The following EVI5 variants were observed in gnomAD, a reference collection of about 807,000 sequenced individuals.
The protein encoded by EVI5 is ecotropic viral integration site 5 protein homolog.
Under a neutral mutation model 112.0 loss-of-function variants are expected in EVI5, and 73 were observed. The ratio of observed to expected loss-of-function variants is 0.65; its 90% CI spans 0.54 to 0.79. EVI5 has a LOEUF of 0.79. Among genes scored for constraint, EVI5 ranks in the 30% least tolerant of loss-of-function variants. The probability of loss-of-function intolerance (pLI) is 0.00; values close to 1 mark genes in which losing one functional copy is unlikely to be tolerated. For missense variants in EVI5, 900 were observed against 968.8 expected (o/e 0.93, Z 0.94); for synonymous variants, 305 against 319.9 (o/e 0.95, Z 0.50).
At position 92,599,510 on chromosome 1, in the gene EVI5, T is replaced by C. The variant is rs1648664653; in HGVS notation, c.2070+5797A>G. 2.0e-5 allele frequency among the ~76,000 whole-genome samples: 3 copies of C among 152,038 alleles called. No individual in the cohort carries two copies. The South Asian group carries it at 6.2e-4, about 31-fold the overall frequency. On this transcript the variant is annotated intron_variant, in intron 18 of 19. Coordinates refer to ENST00000684568, the MANE Select transcript of EVI5 (RefSeq NM_001350197.2). ...ATCTATTTATGAATCTTAATCTGTA[T>C]TAAAAATATACCTCTATATATCTAT...
At chr1:92,596,664 A>T (rs1647973538) in intron 18 of EVI5, among the ~76,000 whole-genome samples, 1 of 152,174 alleles carries the variant, frequency 6.6e-6, no homozygotes. Flanking sequence ...AAAAACAAAA[A>T]GCCAAGATAA....
intron 14 of EVI5, among the ~76,000 whole-genome samples, chr1:92,633,588 C>T (rs35029291): frequency 0.61 from 92,795 of 151,940 alleles, 29,139 homozygotes; most frequent in East Asian, 0.92. Context: ...GATGGGTTTC[C>T]TGAATACAGC....
chr1:92,546,406 G>A (rs1194419122), intron 19 of EVI5, among the ~76,000 whole-genome samples: 1 of 151,622 alleles, frequency 6.6e-6, no homozygotes, highest in African/African-American at 2.4e-5. Context: ...CTTACCAAAT[G>A]AAAAAAAATA....
chr1:92,754,991 A>G (rs1313343912), intron 1 of EVI5, among the ~76,000 whole-genome samples: 2 of 151,864 alleles, frequency 1.3e-5, no homozygotes, highest in African/African-American at 4.8e-5. Flanking sequence ...ATAATGTTAT[A>G]TCTTAAAGAA....
At chr1:92,680,091 C>A (rs980050652) in intron 9 of EVI5, among the ~76,000 whole-genome samples, 11 of 152,126 alleles carry the variant, frequency 7.2e-5, no homozygotes, top group Non-Finnish European at 1.6e-4. Context: ...TTTCATAACT[C>A]AATATTTTCT....
chr1:92,579,703 T>C (rs939953082), intron 18 of EVI5, among the ~76,000 whole-genome samples: 3 of 152,078 alleles, frequency 2.0e-5, no homozygotes, highest in African/African-American at 7.2e-5. Flanking sequence ...GGGAAAAAAC[T>C]AGAAAAAATA....
At chr1:92,623,176 T>G (rs1227817161) in intron 16 of EVI5, among the ~76,000 whole-genome samples, 1 of 152,228 alleles carries the variant, frequency 6.6e-6, no homozygotes, top group African/African-American at 2.4e-5. Context: ...ATAATCTCAA[T>G]AGTACCTCTT....
At position 92,665,888 on chromosome 1, in the gene EVI5, A is replaced by C. The variant is rs776152339; in HGVS notation, c.1212+51T>G. ...TTGAGGATTTTTAATAAATATACAG[A>C]AAAAACACCAGGCATTCAACAGAAG... On this transcript the variant is annotated intron_variant, in intron 11 of 19. Transcript: ENST00000684568. 7 of 1,302,886 alleles carry C rather than the reference A, an allele frequency of 5.4e-6. No individual in the cohort carries two copies. In the South Asian group the frequency reaches 9.1e-5, roughly 17 times the overall value. The allele number at this position is 1,302,886 out of a possible 1,614,324, so 80.7% of individuals were successfully genotyped here.
intron 18 of EVI5, among the ~76,000 whole-genome samples, chr1:92,581,691 C>CT (rs10658688): frequency 0.56 from 59,315 of 105,890 alleles, 12,635 homozygotes; most frequent in East Asian, 0.77. Context: ...CAAGTTTTTG[C>CT]TTAAAAAAAA....
intron 9 of EVI5, among the ~76,000 whole-genome samples, chr1:92,684,377 T>G (rs1193686272): frequency 1.3e-5 from 2 of 152,194 alleles, no homozygotes; most frequent in East Asian, 3.8e-4. Flanking sequence ...CCACCAGGCC[T>G]GCCTTACAAG....
chr1:92,740,344 A>G (rs1678173161), intron 1 of EVI5, among the ~76,000 whole-genome samples: 3 of 152,148 alleles, frequency 2.0e-5, no homozygotes, highest in Non-Finnish European at 2.9e-5. Context: ...CCACACCACA[A>G]TGCAAAACTG....
intron 1 of EVI5, among the ~76,000 whole-genome samples, chr1:92,783,808 C>CAAAAAAAAA (rs58484805): frequency 6.4e-5 from 6 of 94,228 alleles, no homozygotes; most frequent in Non-Finnish European, 8.5e-5. Flanking sequence ...GACTCCCTGT[C>CAAAAAAAAA]AAAAAAAAAA....
chr1:92,672,891 A>C (rs2102278970), intron 10 of EVI5, among the ~76,000 whole-genome samples: 1 of 152,350 alleles, frequency 6.6e-6, no homozygotes, highest in South Asian at 2.1e-4. Flanking sequence ...GCAGCAGCAC[A>C]GTGTATATAC....
At chr1:92,728,895 T>C (rs779086422) in intron 2 of EVI5, among the ~76,000 whole-genome samples, 2 of 152,160 alleles carry the variant, frequency 1.3e-5, no homozygotes, top group Non-Finnish European at 2.9e-5. Context: ...CTGGCTAATA[T>C]TTAGTAACCA....
intron 2 of EVI5, among the ~76,000 whole-genome samples, chr1:92,734,008 T>A (rs1676920133): frequency 6.6e-6 from 1 of 152,204 alleles, no homozygotes; most frequent in Non-Finnish European, 1.5e-5. Context: ...AAGACACATG[T>A]ACCATATTTG....
upstream of EVI5, chr1:92,785,248 A>C: frequency 3.6e-6 from 1 of 275,302 alleles, no homozygotes; most frequent in South Asian, 1.4e-4. Flanking sequence ...GAGGCGGGGA[A>C]ATCGCTCTCG....
rs757053961 is a variant in EVI5 at position 92,636,179 on chromosome 1, CTGCATT to C, written c.1527+17_1527+22del. 2.4e-5 allele frequency: 38 copies of C among 1,593,686 alleles called. No homozygotes were observed. The Admixed American group carries it at 6.6e-4, about 28-fold the overall frequency. On this transcript the variant is annotated intron_variant, in intron 14 of 19. Coordinates refer to ENST00000684568, the MANE Select transcript of EVI5 (RefSeq NM_001350197.2). The stretch of plus-strand genomic sequence containing the variant: ...CATATCCCCTCTAATTTGGGAATGA[CTGCATT>C]TGTGTAGGTTTCTTACCTTCTCTAT...
At chr1:92,547,601 A>G (rs1031193424) in intron 19 of EVI5, among the ~76,000 whole-genome samples, 1 of 152,164 alleles carries the variant, frequency 6.6e-6, no homozygotes. Flanking sequence ...GACCGCTAGC[A>G]AGACTAATAA....
At chr1:92,775,800 T>C (rs1217086091) in intron 1 of EVI5, among the ~76,000 whole-genome samples, 3 of 152,120 alleles carry the variant, frequency 2.0e-5, no homozygotes, top group Non-Finnish European at 4.4e-5. Flanking sequence ...TTCTGTATTT[T>C]ATAAAACTTG....
Sources: allele counts gnomAD v4.1 joint callset (sites outside exome capture counted in the v4.1 genomes callset), GRCh38; gene constraint gnomAD v4.1.1; transcripts MANE v1.5; gene names NCBI Gene and HGNC (gene_info 2026-07-23, HGNC 2026-07-21).